Variants in LONRF3 observed in about 807,000 individuals in gnomAD.
The protein encoded by LONRF3 is LON peptidase N-terminal domain and RING finger protein 3.
Under a neutral mutation model 51.7 loss-of-function variants are expected in LONRF3, and 19 were observed. That is an observed-to-expected ratio of 0.37 (90% confidence interval 0.26 to 0.54). The LOEUF (loss-of-function observed/expected upper bound fraction) is 0.54, where lower values mean the gene tolerates loss of function less well. LONRF3 is among the 20% of genes least tolerant of loss of function. LONRF3 has a pLI of 0.86. For missense variants in LONRF3, 521 were observed against 623.9 expected (o/e 0.84, Z 1.76); for synonymous variants, 265 against 257.8 (o/e 1.03, Z -0.27).
chrX:119,014,544 C>T (rs1925313754), intron 10 of LONRF3, among the ~76,000 whole-genome samples, 188 bp downstream of exon 10: 1 of 111,256 alleles, frequency 9.0e-6, no homozygotes, highest in Non-Finnish European at 1.9e-5. Context: ...AAGTTAGAAT[C>T]GGGGTAACTA....
chrX:118,999,166 G>A (rs140887919), intron 5 of LONRF3, among the ~76,000 whole-genome samples: 114 of 111,686 alleles, frequency 1.0e-3, no homozygotes, highest in African/African-American at 3.5e-3. Flanking sequence ...AATTTTAGGT[G>A]CCAGATTTTC....
intron 10 of LONRF3, among the ~76,000 whole-genome samples, chrX:119,014,618 G>A (rs1353722106): frequency 2.7e-5 from 3 of 111,416 alleles, no homozygotes; most frequent in African/African-American, 9.8e-5. Flanking sequence ...TAAGAGAATG[G>A]GAACATAGAT....
intron 2 of LONRF3, among the ~76,000 whole-genome samples, chrX:118,979,609 G>A (rs112420350): frequency 2.1e-4 from 23 of 111,654 alleles, no homozygotes; most frequent in Non-Finnish European, 3.8e-4. Flanking sequence ...GTTTTCTATC[G>A]CCATTTTTAT....
At chrX:118,982,201 C>T (rs1355085851) in intron 2 of LONRF3, among the ~76,000 whole-genome samples, 1 of 111,782 alleles carries the variant, frequency 8.9e-6, no homozygotes, top group African/African-American at 3.3e-5. Flanking sequence ...GTAAGCTCAG[C>T]CCCTGGTTAG....
At chrX:119,005,071 G>A (rs2147298425) in intron 5 of LONRF3, among the ~76,000 whole-genome samples, 1 of 112,255 alleles carries the variant, frequency 8.9e-6, no homozygotes, top group Admixed American at 9.4e-5. Context: ...CTTCTACTCA[G>A]TCTGGCAGTG....
chrX:119,011,104 A>G (rs2147306959), intron 7 of LONRF3, among the ~76,000 whole-genome samples: 1 of 100,545 alleles, frequency 9.9e-6, no homozygotes, highest in East Asian at 3.1e-4. Context: ...ACAGAGTGAG[A>G]CTCCGCTTAA....
chrX:119,002,892 G>A (rs926704366), intron 5 of LONRF3, among the ~76,000 whole-genome samples: 1 of 110,369 alleles, frequency 9.1e-6, no homozygotes, highest in Non-Finnish European at 1.9e-5. Flanking sequence ...TCCACCTCCT[G>A]GGTTCAAGCG....
intron 1 of LONRF3, 45 bp downstream of exon 1, chrX:118,975,642 A>C: frequency 1.9e-6 from 2 of 1,027,953 alleles, no homozygotes; most frequent in Non-Finnish European, 2.6e-6. Flanking sequence ...CTCGGTGGCT[A>C]CATGAGGGAG....
In LONRF3 at chrX:118,975,213, G is replaced by A. The variant is rs1250808707; in HGVS notation, c.433G>A (p.Ala145Thr). 6.0e-6 allele frequency: 7 copies of A among 1,168,863 alleles called. No individual in the cohort carries two copies. In the East Asian group the frequency reaches 2.3e-4, roughly 38 times the overall value. ...TVAAEETGAA[A>T]AAAATEVWDG... ...GGCGGCGGAAGAGACGGGGGCCGCC[G>A]CGGCTGCGGCGGCCACCGAGGTGTG... is the stretch of plus-strand genomic sequence containing the variant. The change falls in exon 1 of 11, where the codon GCG (alanine) becomes ACG (threonine). Residue 145 changes from alanine (A) to threonine (T), a missense_variant. Coordinates refer to ENST00000371628, the MANE Select transcript of LONRF3 (RefSeq NM_001031855.3).
At position 118,998,744 on chromosome X, in the gene LONRF3, C is replaced by T. The variant is rs191353484; in HGVS notation, c.1416-7377C>T. 3.1e-4 allele frequency among the ~76,000 whole-genome samples: 35 copies of T among 112,109 alleles called. No homozygotes were observed. In the South Asian group the frequency reaches 6.0e-3, roughly 19 times the overall value. On this transcript the variant is annotated intron_variant, in intron 5 of 10. Coordinates refer to ENST00000371628, the MANE Select transcript of LONRF3 (RefSeq NM_001031855.3). ...TGAGACAGAGTCTCACTTTGTCACC[C>T]GGGCTGGAGTGCAGTGGTGTGATTT...
At chrX:119,007,136 A>G (rs1474144529) in intron 6 of LONRF3, among the ~76,000 whole-genome samples, 1 of 112,734 alleles carries the variant, frequency 8.9e-6, no homozygotes, top group Non-Finnish European at 1.9e-5. Flanking sequence ...TGTGTTGGAA[A>G]CGAAAGTATT....
chrX:118,986,172 G>A (rs746933531), intron 3 of LONRF3, among the ~76,000 whole-genome samples: 6 of 110,529 alleles, frequency 5.4e-5, no homozygotes, highest in African/African-American at 1.6e-4. Flanking sequence ...ACATTAGAAC[G>A]CACGTCTACC....
In LONRF3 at chrX:119,000,003, T is replaced by C. The variant is rs1326610906; in HGVS notation, c.1416-6118T>C. ...TTTCCAACAGGGTTTGTCTATAAGT[T>C]AGACATTGGATGTTGACAGAGGCTA... is the stretch of plus-strand genomic sequence containing the variant. On this transcript the variant is annotated intron_variant, in intron 5 of 10. Transcript: ENST00000371628. Among the ~76,000 whole-genome samples the C allele has an allele frequency of 2.7e-5, 3 of 112,211 alleles. No homozygotes were observed. In the Admixed American group the frequency reaches 2.8e-4, roughly 11 times the overall value.
chrX:118,993,133 A>G (rs182972512), intron 5 of LONRF3, among the ~76,000 whole-genome samples: 2 of 109,271 alleles, frequency 1.8e-5, no homozygotes, highest in African/African-American at 6.7e-5. Context: ...CCCCCCCAAA[A>G]ACCACACTAG....
intron 3 of LONRF3, chrX:118,987,070 G>A: frequency 3.5e-6 from 4 of 1,152,093 alleles, no homozygotes; most frequent in Non-Finnish European, 4.6e-6. Flanking sequence ...AATCTACCAA[G>A]GTTGTTACAG....
intron 3 of LONRF3, among the ~76,000 whole-genome samples, chrX:118,987,447 T>TTTTGC (rs1923076120): frequency 1.5e-5 from 1 of 68,337 alleles, no homozygotes. Context: ...CTGGCTAAGT[T>TTTTGC]TTTTTTTTTT....
At chrX:119,012,772 G>A (rs1201220540) in intron 8 of LONRF3, 3 of 576,788 alleles carry the variant, frequency 5.2e-6, no homozygotes, top group South Asian at 6.2e-5. Flanking sequence ...AAAATGGGTT[G>A]TAGAGGAGGC....
At chrX:118,989,377 G>C (rs1277028153) in intron 3 of LONRF3, 31 bp from the exon 4 acceptor site, 2 of 1,204,319 alleles carry the variant, frequency 1.7e-6, no homozygotes, top group Admixed American at 2.2e-5. Context: ...GTCCTAAGAA[G>C]ATTCTGATAT....
At chrX:119,005,738 TTG>T (rs1304866319) in intron 5 of LONRF3, among the ~76,000 whole-genome samples, 3 of 111,008 alleles carry the variant, frequency 2.7e-5, no homozygotes, top group Non-Finnish European at 5.7e-5. Context: ...GTGTGTGTGT[TTG>T]TGTGTGTGTG....
Sources: gnomAD v4.1 joint callset for allele counts (sites outside exome capture counted in the v4.1 genomes callset) on GRCh38, gnomAD v4.1.1 for gene constraint, MANE v1.5 for transcripts, NCBI Gene and HGNC (gene_info 2026-07-23, HGNC 2026-07-21) for gene names.